The following GIPC1 variants were observed in gnomAD, a reference collection of about 807,000 sequenced individuals.
GIPC1 encodes the protein PDZ domain-containing protein GIPC1.
Under a neutral mutation model 28.5 loss-of-function variants are expected in GIPC1, and 15 were observed. The observed-to-expected ratio is 0.53, with a 90% CI of 0.35 to 0.81. The LOEUF (loss-of-function observed/expected upper bound fraction) is 0.81. GIPC1 is among the 30% of genes least tolerant of loss of function. GIPC1 has a pLI of 0.01. For missense variants in GIPC1, 439 were observed against 481.9 expected (o/e 0.91, Z 0.83); for synonymous variants, 224 against 206.1 (o/e 1.09, Z -0.74).
chr19:14,486,714 T>TTC (rs1470039631), intron 3 of GIPC1, among the ~76,000 whole-genome samples: 7 of 98,426 alleles, frequency 7.1e-5, no homozygotes, highest in Admixed American at 3.1e-4. Flanking sequence ...CTTTCTTTCT[T>TTC]TTTTTTTTTT....
In GIPC1 at chr19:14,478,027, G is replaced by C. The variant is rs569005679; in HGVS notation, c.*389C>G. 123 of 194,696 alleles carry C rather than the reference G, an allele frequency of 6.3e-4. 1 individual carries two copies. Among genetic ancestry groups the C allele is most frequent in the Non-Finnish European group, 8.9e-4 (84 of 94,138 alleles). The allele number at this position is 194,696 out of a possible 1,614,324, so 12.1% of individuals were successfully genotyped here. ...CAACCCTCTCCCCTGTATTCCCTGC[G>C]TCAGGAAACTAGGAAGGTCATGACC... On this transcript the variant is annotated 3_prime_UTR_variant, in exon 9 of 9. Coordinates refer to ENST00000393033, the MANE Select transcript of GIPC1 (RefSeq NM_005716.4). This position sits in a 1 kb window ranked among gnomAD's most constrained non-coding sequence, Gnocchi z 5.2.
chr19:14,494,255 C>A (rs1411627298), intron 1 of GIPC1, among the ~76,000 whole-genome samples: 1 of 151,588 alleles, frequency 6.6e-6, no homozygotes, highest in Non-Finnish European at 1.5e-5. Flanking sequence ...ATGCCCCTAG[C>A]CAATTTTTGT....
chr19:14,482,332 A>C, intron 4 of GIPC1: 1 of 347,086 alleles, frequency 2.9e-6, no homozygotes, highest in Non-Finnish European at 5.3e-6. Flanking sequence ...CTCAGCATCC[A>C]CCCCTAGTCT....
intron 1 of GIPC1, among the ~76,000 whole-genome samples, chr19:14,494,124 T>G (rs1326201725): frequency 2.6e-5 from 4 of 152,098 alleles, no homozygotes; most frequent in African/African-American, 9.7e-5. Flanking sequence ...CACACCCAGC[T>G]AATTTTCATA....
chr19:14,489,370 G>A (rs2071914561), intron 3 of GIPC1: 3 of 783,550 alleles, frequency 3.8e-6, no homozygotes, highest in African/African-American at 1.7e-5. Context: ...GCATCTGTGA[G>A]CCCATGGAGT....
At chr19:14,479,786 C>T in intron 6 of GIPC1, 1 of 414,902 alleles carries the variant, frequency 2.4e-6, no homozygotes, top group Non-Finnish European at 4.3e-6. Flanking sequence ...CACTTCTGCT[C>T]CCAGGGGCTG....
At position 14,480,749 on chromosome 19, in the gene GIPC1, T is replaced by G. The variant is rs770234497; in HGVS notation, c.318A>C (p.Lys106Asn). Residue 106 changes from lysine to asparagine, a missense_variant, in exon 5 of 9, where the codon AAA becomes AAC. Coordinates refer to ENST00000393033, the MANE Select transcript of GIPC1 (RefSeq NM_005716.4). ...CCCCCAGGAGCTTGTCCATGTCCAC[T>G]TTGTGGGTGTTCAGGGTGCAGAACA... The part of the protein sequence containing the change: ...EVMFCTLNTH[K>N]VDMDKLLGGQ... 1.2e-6 allele frequency: 2 copies of G among 1,613,750 alleles called. No individual in the cohort carries two copies. The highest frequency in any genetic ancestry group is 1.7e-5 in the Admixed American group (1 of 59,982).
At chr19:14,492,256 G>A (rs773972416) in intron 2 of GIPC1, among the ~76,000 whole-genome samples, 1 of 151,908 alleles carries the variant, frequency 6.6e-6, no homozygotes, top group African/African-American at 2.4e-5. Context: ...GAACAGTCCT[G>A]GCACACAATA....
Position 14,480,765 on chromosome 19 carries a change from G to A in GIPC1, c.302C>T (p.Thr101Ile). Residue 101 changes from threonine (T) to isoleucine (I), a missense_variant, in exon 5 of 9, where the codon ACC (threonine) becomes ATC (isoleucine). Physicochemically the swap from Thr to Ile is moderately conservative, Grantham distance 89. Coordinates refer to ENST00000393033, the MANE Select transcript of GIPC1 (RefSeq NM_005716.4). ...RLPTAEVMFC[T>I]LNTHKVDMDK... ...CATGTCCACTTTGTGGGTGTTCAGGGTGCAGAACATCACCTGCAGGGGTGG... is the reference window on the plus strand; with the variant it reads ...CATGTCCACTTTGTGGGTGTTCAGGATGCAGAACATCACCTGCAGGGGTGG... 1 of 1,611,336 alleles carries A rather than the reference G, an allele frequency of 6.2e-7. No individual in the cohort carries two copies. Among genetic ancestry groups the A allele is most frequent in the Non-Finnish European group, 8.5e-7 (1 of 1,177,772 alleles).
At chr19:14,479,548 A>T in intron 6 of GIPC1, 24 bp from the exon 7 acceptor site, 1 of 1,256,506 alleles carries the variant, frequency 8.0e-7, no homozygotes, top group East Asian at 3.1e-5. Context: ...GAGAGGAGTG[A>T]GTGTGGGGGA....
rs573841029 is a variant in GIPC1 at position 14,489,555 on chromosome 19, T to A, written c.-31+2101A>T. On this transcript the variant is annotated intron_variant, in intron 3 of 8. Transcript: ENST00000393033. ...TGGCGACTAGTGGACAACAGAAAAA[T>A]ATTGGAATGGTGGAAATACGAGGAA... 3.1e-6 allele frequency: 3 copies of A among 972,564 alleles called. No individual in the cohort carries two copies. In the East Asian group the frequency reaches 7.1e-5, roughly 23 times the overall value. 60.2% of individuals were successfully genotyped at this position (972,564 alleles called of 1,614,324 possible).
intron 6 of GIPC1, 50 bp from the exon 7 acceptor site, chr19:14,479,574 C>T (rs1398949444): frequency 3.7e-5 from 36 of 961,888 alleles, no homozygotes; most frequent in Non-Finnish European, 4.7e-5. Flanking sequence ...GGTTTTAGCA[C>T]GTTCTGGGCA....
rs1476840205 is a variant in GIPC1, at chr19:14,480,353, G to C, written c.607C>G (p.Arg203Gly). ...EVARLLKELP[R>G]GRTFTLKLTE... ...AGCTTCAGCGTGAAGGTACGGCCTC[G>C]GGGCAGCTCCTTGAGCAGCCGGGCC... Residue 203 changes from arginine to glycine, a missense_variant, in exon 6 of 9, where the codon CGA becomes GGA. Transcript: ENST00000393033. 1 of 1,612,084 alleles carries C rather than the reference G, an allele frequency of 6.2e-7. No homozygotes were observed. The highest frequency in any genetic ancestry group is 1.3e-5 in the African/African-American group (1 of 75,014).
intron 7 of GIPC1, among the ~76,000 whole-genome samples, chr19:14,479,084 C>T (rs539595563): frequency 6.6e-6 from 1 of 152,148 alleles, no homozygotes; most frequent in Non-Finnish European, 1.5e-5. Context: ...GTGGCTCATG[C>T]CTATAATCCC....
In GIPC1 at chr19:14,479,509, C is replaced by T. The variant is rs1419433319; in HGVS notation, c.671G>A (p.Arg224His). ...PRKAFDMISQ[R>H]SAGGRPGSGP... The stretch of plus-strand genomic sequence containing the variant: ...AGAGCCAGGGCGGCCACCCGCTGAA[C>T]GCTGGCTGATCATGTCTGTGGGAGG... Residue 224 changes from arginine to histidine, a missense_variant, in exon 7 of 9, where the codon CGT becomes CAT. Arg to His is a conservative substitution (Grantham distance 29, BLOSUM62 0). Transcript: ENST00000393033. 6 of 1,441,648 alleles carry T rather than the reference C, an allele frequency of 4.2e-6. No individual in the cohort carries two copies. The highest frequency in any genetic ancestry group is 5.5e-6 in the Non-Finnish European group (6 of 1,099,784). The allele number at this position is 1,441,648 out of a possible 1,614,324, so 89.3% of individuals were successfully genotyped here. A position where few individuals can be genotyped will look rare whatever the true frequency, so the allele number is the denominator to read the frequency against.
chr19:14,483,697 C>A (rs2071779196), intron 3 of GIPC1: 1 of 150,872 alleles, frequency 6.6e-6, no homozygotes, highest in Non-Finnish European at 1.5e-5. Context: ...TGCAGTGAGC[C>A]AAGATCACAC....
Position 14,496,064 on chromosome 19 carries a change from C to A in GIPC1, c.-202G>T, listed in dbSNP as rs1299540701. The A allele has an allele frequency of 1.2e-5, 3 of 251,488 alleles. No homozygotes were observed. The South Asian group carries it at 2.0e-4, about 17-fold the overall frequency. The allele number at this position is 251,488 out of a possible 1,614,324, so 15.6% of individuals were successfully genotyped here. A position where few individuals can be genotyped will look rare whatever the true frequency, so the allele number is the denominator to read the frequency against. ...GCTCCGCCGCCGCCGCCGCCGCCGC[C>A]GCCGCCGCCGCTGCCTCCGCCTCCC... is the stretch of plus-strand genomic sequence containing the variant. On this transcript the variant is annotated 5_prime_UTR_variant, in exon 1 of 9. Transcript: ENST00000393033.
At chr19:14,483,682 G>A (rs2071779013) in intron 3 of GIPC1, 1 of 151,734 alleles carries the variant, frequency 6.6e-6, no homozygotes, top group East Asian at 1.9e-4. Flanking sequence ...CCAGGAGGCA[G>A]AGGTTGCAGT....
At chr19:14,487,233 TTTC>T (rs2071866383) in intron 3 of GIPC1, among the ~76,000 whole-genome samples, 3 of 149,216 alleles carry the variant, frequency 2.0e-5, no homozygotes, top group African/African-American at 5.1e-5. Flanking sequence ...TTTTTCTTTC[TTTC>T]TTTTTTTTTT....
Sources: allele counts gnomAD v4.1 joint callset (sites outside exome capture counted in the v4.1 genomes callset), GRCh38; gene constraint gnomAD v4.1.1; non-coding constraint Gnocchi (gnomAD v3.1); transcripts MANE v1.5; gene names NCBI Gene and HGNC (gene_info 2026-07-23, HGNC 2026-07-21).